Variants in NNT observed in about 807,000 individuals in gnomAD.
The protein encoded by NNT is NAD(P) transhydrogenase, mitochondrial.
NNT carries 50 observed loss-of-function variants against 104.8 expected under a neutral mutation model. That is an observed-to-expected ratio of 0.48 (90% confidence interval 0.38 to 0.60). The LOEUF (loss-of-function observed/expected upper bound fraction) is 0.60, where lower values mean the gene tolerates loss of function less well. Ranked by LOEUF, NNT falls within the 20% of genes least tolerant of loss-of-function variation. The pLI is 0.00. For synonymous variants in NNT, 461 were observed against 490.4 expected (o/e 0.94, Z 0.79); for missense variants, 1,131 against 1,330.7 (o/e 0.85, Z 2.33).
At chr5:43,696,487 C>T (rs1742565512) in intron 19 of NNT, among the ~76,000 whole-genome samples, 1 of 152,184 alleles carries the variant, frequency 6.6e-6, no homozygotes, top group African/African-American at 2.4e-5. Flanking sequence ...TGCAAGCTGT[C>T]AGTGGATCTA....
chr5:43,670,135 TATC>T (rs1290434342), intron 17 of NNT, among the ~76,000 whole-genome samples: 2 of 152,152 alleles, frequency 1.3e-5, no homozygotes, highest in Non-Finnish European at 2.9e-5. Context: ...ATATTCTCCT[TATC>T]ATTTTTTATT....
chr5:43,665,234 A>T (rs1267248019), intron 17 of NNT, among the ~76,000 whole-genome samples: 4,828 of 147,094 alleles, frequency 0.033, 196 homozygotes, highest in African/African-American at 0.098. Flanking sequence ...TATTATTATT[A>T]TTATTATTTT....
At chr5:43,694,581 T>G (rs1482104939) in intron 19 of NNT, among the ~76,000 whole-genome samples, 1 of 152,234 alleles carries the variant, frequency 6.6e-6, no homozygotes, top group African/African-American at 2.4e-5. Context: ...ATGAATCACG[T>G]TTATTGATTT....
chr5:43,701,735 G>GTC, intron 20 of NNT, among the ~76,000 whole-genome samples: 1 of 152,168 alleles, frequency 6.6e-6, no homozygotes, highest in East Asian at 1.9e-4. Flanking sequence ...CCTTGCCAGC[G>GTC]TCTGTTATTG....
chr5:43,685,379 CAG>C (rs1279782120), intron 19 of NNT, among the ~76,000 whole-genome samples: 1 of 151,920 alleles, frequency 6.6e-6, no homozygotes, highest in African/African-American at 2.4e-5. Context: ...AAATGTAAAA[CAG>C]AGTAAAATAA....
At chr5:43,659,621 T>A (rs1314468869) in intron 17 of NNT, among the ~76,000 whole-genome samples, 1 of 151,796 alleles carries the variant, frequency 6.6e-6, no homozygotes, top group Non-Finnish European at 1.5e-5. Context: ...CCCAGCTACT[T>A]GGTAGGCTGA....
At chr5:43,693,402 T>A (rs755066906) in intron 19 of NNT, among the ~76,000 whole-genome samples, 6 of 152,368 alleles carry the variant, frequency 3.9e-5, no homozygotes, top group South Asian at 2.1e-4. Flanking sequence ...CTTTGATTGC[T>A]GGAGAAATTT....
At chr5:43,695,973 T>G (rs1422981275) in intron 19 of NNT, among the ~76,000 whole-genome samples, 1 of 152,148 alleles carries the variant, frequency 6.6e-6, no homozygotes, top group Non-Finnish European at 1.5e-5. Flanking sequence ...AGATGACATT[T>G]TGGTAGAGAC....
chr5:43,635,436 C>T (rs1488135119), intron 7 of NNT, among the ~76,000 whole-genome samples: 2 of 152,120 alleles, frequency 1.3e-5, no homozygotes, highest in Admixed American at 6.6e-5. Context: ...GCTTTGCATT[C>T]TTTTGCTAAG....
At chr5:43,662,519 C>T (rs1011144719) in intron 17 of NNT, among the ~76,000 whole-genome samples, 5 of 151,956 alleles carry the variant, frequency 3.3e-5, no homozygotes, top group African/African-American at 9.7e-5. Flanking sequence ...CAAATTATTC[C>T]GATAGCTGCC....
chr5:43,657,513 TA>T (rs143201803), intron 16 of NNT, among the ~76,000 whole-genome samples: 2,105 of 152,240 alleles, frequency 0.014, 43 homozygotes, highest in African/African-American at 0.043. Flanking sequence ...ATATTTAAGT[TA>T]AAAAAATTAT....
intron 2 of NNT, 126 bp from the exon 3 acceptor site, chr5:43,612,782 A>G: frequency 1.6e-6 from 1 of 641,898 alleles, no homozygotes; most frequent in South Asian, 2.0e-5. Flanking sequence ...TCTGAACAGC[A>G]GCTTGCATGT....
At chr5:43,635,510 G>C (rs1410035930) in intron 7 of NNT, among the ~76,000 whole-genome samples, 2 of 152,136 alleles carry the variant, frequency 1.3e-5, no homozygotes, top group Admixed American at 1.3e-4. Flanking sequence ...CTGTGCCCAG[G>C]AATAAGAGAA....
At chr5:43,653,970 A>AT (rs146934215) in intron 14 of NNT, among the ~76,000 whole-genome samples, 49 of 150,928 alleles carry the variant, frequency 3.2e-4, no homozygotes, top group African/African-American at 1.0e-3. Flanking sequence ...AAAAAAAAAA[A>AT]TTTTTTTTCC....
intron 17 of NNT, among the ~76,000 whole-genome samples, chr5:43,661,002 A>G (rs1448852672): frequency 6.6e-6 from 1 of 152,200 alleles, no homozygotes; most frequent in Non-Finnish European, 1.5e-5. Context: ...ATTTAACTGA[A>G]AATCTCATTG....
intron 11 of NNT, among the ~76,000 whole-genome samples, chr5:43,650,102 G>T (rs948698383): frequency 2.0e-5 from 3 of 152,202 alleles, no homozygotes; most frequent in Non-Finnish European, 4.4e-5. Flanking sequence ...CAGTTTACAT[G>T]CAAATTATCT....
chr5:43,616,547 G>A lies in NNT; in HGVS notation c.599+482G>A, dbSNP rs11957480. On this transcript the variant is annotated intron_variant, in intron 4 of 21. Coordinates refer to ENST00000344920, the MANE Select transcript of NNT (RefSeq NM_182977.3). ...GAATAGGAAAAAGGTCTGGACTAGA[G>A]GAAGTTTCATCTGATGTCAAAACCC... Among the ~76,000 whole-genome samples the A allele has an allele frequency of 2.4e-3, 371 of 152,320 alleles. 1 individual carries two copies. Among genetic ancestry groups the A allele is most frequent in the Middle Eastern group, 0.014 (4 of 294 alleles).
intron 7 of NNT, among the ~76,000 whole-genome samples, chr5:43,636,192 G>A (rs1750921366): frequency 6.6e-6 from 1 of 152,190 alleles, no homozygotes; most frequent in Non-Finnish European, 1.5e-5. Context: ...GCCCAGTGTA[G>A]GGCTGGGCAT....
intron 20 of NNT, among the ~76,000 whole-genome samples, chr5:43,701,396 C>T (rs959879465): frequency 6.6e-6 from 1 of 152,094 alleles, no homozygotes; most frequent in Non-Finnish European, 1.5e-5. Flanking sequence ...TTCCATGTTG[C>T]TGGAAAGGAC....
Sources: gnomAD v4.1 joint callset for allele counts (sites outside exome capture counted in the v4.1 genomes callset) on GRCh38, gnomAD v4.1.1 for gene constraint, MANE v1.5 for transcripts, NCBI Gene and HGNC (gene_info 2026-07-23, HGNC 2026-07-21) for gene names.